Variants in EIF2S1 observed in about 807,000 individuals in gnomAD.
EIF2S1 encodes eukaryotic translation initiation factor 2 subunit 1.
EIF2S1 carries 5 observed loss-of-function variants against 33.5 expected under a neutral mutation model. The observed-to-expected ratio is 0.15, with a 90% CI of 0.08 to 0.31. The LOEUF (loss-of-function observed/expected upper bound fraction) is 0.31. Among genes scored for constraint, EIF2S1 ranks in the 10% least tolerant of loss-of-function variants. The probability of loss-of-function intolerance (pLI) is 1.00; values close to 1 mark genes in which losing one functional copy is unlikely to be tolerated. For synonymous variants in EIF2S1, 99 were observed against 127.5 expected, an observed-to-expected ratio of 0.78 and a Z score of 1.51; for missense variants, 191 against 384.6, an observed-to-expected ratio of 0.50 and a Z score of 4.21.
In EIF2S1 at chr14:67,360,375, G is replaced by A. The variant is rs989532521; in HGVS notation, c.-83G>A. The A allele has an allele frequency of 1.3e-5, 5 of 396,538 alleles. No homozygotes were observed. The highest frequency in any genetic ancestry group is 2.2e-5 in the Non-Finnish European group (5 of 225,158). The allele number at this position is 396,538 out of a possible 1,614,324, so 24.6% of individuals were successfully genotyped here. A position where few individuals can be genotyped will look rare whatever the true frequency, so the allele number is the denominator to read the frequency against. Reference sequence around the variant, plus strand: ...CGCACGCTGAGGAGGATCGGCGGCCGGTGAGGGGGAAGCAAGTCTGGTCTC... The same window carrying A: ...CGCACGCTGAGGAGGATCGGCGGCCAGTGAGGGGGAAGCAAGTCTGGTCTC... On this transcript the variant is annotated 5_prime_UTR_variant, in exon 1 of 8. Coordinates refer to ENST00000256383, the MANE Select transcript of EIF2S1 (RefSeq NM_004094.5).
chr14:67,371,652 G>T (rs2085822546), intron 2 of EIF2S1, among the ~76,000 whole-genome samples: 1 of 151,954 alleles, frequency 6.6e-6, no homozygotes, highest in Non-Finnish European at 1.5e-5. Flanking sequence ...GTAACACAAT[G>T]GTAAATATTT....
intron 1 of EIF2S1, among the ~76,000 whole-genome samples, chr14:67,362,237 C>T (rs1184577036): frequency 6.6e-6 from 1 of 151,800 alleles, no homozygotes; most frequent in Non-Finnish European, 1.5e-5. Flanking sequence ...CCAGGCTGGC[C>T]TCGAACTCCT....
chr14:67,369,199 C>T (rs1178562082), intron 2 of EIF2S1, among the ~76,000 whole-genome samples: 2 of 152,118 alleles, frequency 1.3e-5, no homozygotes, highest in Non-Finnish European at 2.9e-5. Context: ...GCTATGCAGA[C>T]AATACCTTAA....
intron 5 of EIF2S1, among the ~76,000 whole-genome samples, chr14:67,381,021 G>A (rs1185318215): frequency 6.6e-6 from 1 of 152,088 alleles, no homozygotes; most frequent in East Asian, 1.9e-4. Context: ...GGGTTTGATT[G>A]TTTTGTTTTA....
chr14:67,375,231 TCTGTGTG>T, intron 3 of EIF2S1, among the ~76,000 whole-genome samples: 1 of 126,534 alleles, frequency 7.9e-6, no homozygotes, highest in South Asian at 2.6e-4. Context: ...CATCCTCAGT[TCTGTGTG>T]TGTGTGTGTG....
At chr14:67,379,192 T>C (rs2085873028) in intron 4 of EIF2S1, among the ~76,000 whole-genome samples, 1 of 152,216 alleles carries the variant, frequency 6.6e-6, no homozygotes, top group Non-Finnish European at 1.5e-5. Flanking sequence ...TCTCTATATG[T>C]AGTTGTTTGA....
intron 2 of EIF2S1, among the ~76,000 whole-genome samples, chr14:67,365,810 G>A (rs75750540): frequency 0.019 from 2,883 of 151,036 alleles, 37 homozygotes; most frequent in Middle Eastern, 0.034. Context: ...CTGGTTTACT[G>A]ATACTTTCTC....
At chr14:67,377,353 T>TTCCACGA (rs1009273632) in intron 4 of EIF2S1, among the ~76,000 whole-genome samples, 2 of 152,194 alleles carry the variant, frequency 1.3e-5, no homozygotes, top group Non-Finnish European at 2.9e-5. Flanking sequence ...GCCTCAGCTG[T>TTCCACGA]TCCACATTCT....
At chr14:67,368,219 C>T (rs1179256986) in intron 2 of EIF2S1, among the ~76,000 whole-genome samples, 1 of 152,158 alleles carries the variant, frequency 6.6e-6, no homozygotes, top group Non-Finnish European at 1.5e-5. Context: ...AAACGGCTTG[C>T]AGTTGGCTAG....
At chr14:67,362,011 T>C (rs1011351437) in intron 1 of EIF2S1, among the ~76,000 whole-genome samples, 2 of 148,540 alleles carry the variant, frequency 1.3e-5, no homozygotes, top group South Asian at 2.1e-4. Flanking sequence ...GAGTCTTTTT[T>C]TTTTTTCTTT....
At chr14:67,368,453 CAGAAAATA>C (rs1480862822) in intron 2 of EIF2S1, among the ~76,000 whole-genome samples, 2 of 151,958 alleles carry the variant, frequency 1.3e-5, no homozygotes, top group East Asian at 3.8e-4. Context: ...CTCAAGAATA[CAGAAAATA>C]AGAAAATATT....
At chr14:67,372,615 G>C (rs1462821567) in intron 2 of EIF2S1, among the ~76,000 whole-genome samples, 1 of 152,166 alleles carries the variant, frequency 6.6e-6, no homozygotes, top group East Asian at 1.9e-4. Flanking sequence ...CAGATCATGA[G>C]GTCAGGAGAT....
rs1285553052 is a variant in EIF2S1, at chr14:67,385,740, C to T, written c.*2300C>T. ...TCCTGGGCTCAAGCTATCCTCCTGCCTCTGCCTCTGTAAGAGTGTGAGCCA... is the reference window on the plus strand; with the variant it reads ...TCCTGGGCTCAAGCTATCCTCCTGCTTCTGCCTCTGTAAGAGTGTGAGCCA... On this transcript the variant is annotated 3_prime_UTR_variant, in exon 8 of 8. Transcript: ENST00000256383. 1 of 150,828 alleles carries T rather than the reference C, an allele frequency of 6.6e-6. No individual in the cohort carries two copies. Among genetic ancestry groups the T allele is most frequent in the African/African-American group, 2.4e-5 (1 of 40,936 alleles). 9.3% of individuals were successfully genotyped at this position (150,828 alleles called of 1,614,324 possible). A position where few individuals can be genotyped will look rare whatever the true frequency, so the allele number is the denominator to read the frequency against.
At chr14:67,379,818 C>T (rs1242243034) in intron 4 of EIF2S1, among the ~76,000 whole-genome samples, 1 of 151,020 alleles carries the variant, frequency 6.6e-6, no homozygotes, top group Non-Finnish European at 1.5e-5. Context: ...CTACGCCCGG[C>T]TAATTTTTTG....
intron 1 of EIF2S1, chr14:67,364,364 A>G (rs1006160944): frequency 5.6e-5 from 9 of 159,534 alleles, no homozygotes; most frequent in African/African-American, 2.2e-4. Flanking sequence ...ATGTTTGCTC[A>G]CTTCGGCAAA....
At chr14:67,379,658 T>C (rs1168110947) in intron 4 of EIF2S1, among the ~76,000 whole-genome samples, 2 of 134,440 alleles carry the variant, frequency 1.5e-5, no homozygotes, top group African/African-American at 3.1e-5. Context: ...CTTTTTCTTT[T>C]TTTTTTTTTT....
intron 3 of EIF2S1, among the ~76,000 whole-genome samples, chr14:67,375,231 TC>T (rs1048057947): frequency 7.9e-6 from 1 of 126,420 alleles, no homozygotes; most frequent in African/African-American, 3.1e-5. Flanking sequence ...CATCCTCAGT[TC>T]TGTGTGTGTG....
chr14:67,380,451 C>G (rs2085882034), intron 4 of EIF2S1, among the ~76,000 whole-genome samples: 1 of 152,064 alleles, frequency 6.6e-6, no homozygotes, highest in Non-Finnish European at 1.5e-5. Flanking sequence ...TTAGTCAGAT[C>G]ACTAAAATTT....
At chr14:67,382,892 T>C (rs992351476) in intron 7 of EIF2S1, among the ~76,000 whole-genome samples, 1 of 147,952 alleles carries the variant, frequency 6.8e-6, no homozygotes, top group Admixed American at 6.8e-5. Context: ...AAGAAGTGTG[T>C]GTACGTGCGT....
Sources: allele counts gnomAD v4.1 joint callset (sites outside exome capture counted in the v4.1 genomes callset), GRCh38; gene constraint gnomAD v4.1.1; transcripts MANE v1.5; gene names NCBI Gene and HGNC (gene_info 2026-07-23, HGNC 2026-07-21).